Variants in ASPM observed in about 807,000 individuals in gnomAD.
ASPM encodes the protein abnormal spindle-like microcephaly-associated protein.
A neutral mutation model predicts 366.4 loss-of-function variants in ASPM; 256 were observed. The observed-to-expected ratio is 0.70, with a 90% CI of 0.63 to 0.77. ASPM has a LOEUF of 0.77. Among genes scored for constraint, ASPM ranks in the 30% least tolerant of loss-of-function variants. The pLI is 0.00. For synonymous variants in ASPM, 1,414 were observed against 1,342.9 expected (o/e 1.05, Z -1.16); for missense variants, 4,146 against 4,090.4 (o/e 1.01, Z -0.37).
chr1:197,113,841 A>C (rs1011589089), intron 17 of ASPM, among the ~76,000 whole-genome samples: 1 of 152,200 alleles, frequency 6.6e-6, no homozygotes, highest in African/African-American at 2.4e-5. Context: ...CAAAATGGAA[A>C]AGTTGTTCAA....
rs1480113250 is a variant in ASPM at position 197,103,793 on chromosome 1, G to A, written c.5458C>T (p.Leu1820=). ...GCAGCTATAGATTGTTGTTTGATTA[G>A]CTGGCGTACTTTATAACCTCTGTAA... ...AAYRGYKVRQ[L]IKQQSIAALK... The change falls in exon 18 of 28, where the codon CTA becomes TTA. Residue 1820 remains leucine (L), a synonymous_variant. Transcript: ENST00000367409. The A allele has an allele frequency of 6.2e-7, 1 of 1,612,924 alleles. No individual in the cohort carries two copies. The highest frequency in any genetic ancestry group is 8.5e-7 in the Non-Finnish European group (1 of 1,179,398).
chr1:197,088,915 T>C (rs967986319), intron 25 of ASPM, among the ~76,000 whole-genome samples: 7 of 152,052 alleles, frequency 4.6e-5, no homozygotes, highest in African/African-American at 1.4e-4. Flanking sequence ...CTAGTAAGTC[T>C]AGGATATATT....
chr1:197,102,176 G>GT lies in ASPM; in HGVS notation c.7074dup (p.Gln2359ThrfsTer14). 6.2e-7 allele frequency: 1 copy of GT among 1,612,790 alleles called. No individual in the cohort carries two copies. The highest frequency in any genetic ancestry group is 8.5e-7 in the Non-Finnish European group (1 of 1,179,274). On this transcript the variant is annotated frameshift_variant, in exon 18 of 28. Transcript: ENST00000367409. LOFTEE classifies it high-confidence loss of function. ...TGCTGTTGGATCACAACGGAGGCCT[G>GT]TTTCAAAGCCTGATATCTCATATGT...
chr1:197,091,090 T>A lies in ASPM; in HGVS notation c.9445-49A>T, dbSNP rs531484246. 877 of 1,365,510 alleles carry A rather than the reference T, an allele frequency of 6.4e-4. 16 individuals carry two copies. The South Asian group carries it at 9.0e-3, about 14-fold the overall frequency. The allele number at this position is 1,365,510 out of a possible 1,614,324, so 84.6% of individuals were successfully genotyped here. A position where few individuals can be genotyped will look rare whatever the true frequency, so the allele number is the denominator to read the frequency against. ...TTTTCATTTCTACTTCAGGTTTTTTTAAAAAAATATACAAATATACATTTA... is the reference window on the plus strand; with the variant it reads ...TTTTCATTTCTACTTCAGGTTTTTTAAAAAAAATATACAAATATACATTTA... On this transcript the variant is annotated intron_variant, in intron 22 of 27. Transcript: ENST00000367409.
Position 197,104,627 on chromosome 1 carries a change from T to A in ASPM, c.4624A>T (p.Ile1542Phe). Residue 1542 changes from isoleucine to phenylalanine, a missense_variant, in exon 18 of 28, where the codon ATT (isoleucine) becomes TTT (phenylalanine). By Grantham distance (21) the Ile-to-Phe change is conservative. This residue lies in a region of ASPM where 3,624 missense variants were observed against 3,591.7 expected (regional missense o/e 1.01). Transcript: ENST00000367409. ...CTCCTAAAAGCAGCTTGTAATTGAA[T>A]GGCTGCAGCTCGTTTCTGCAAATAG... ...TNYLQKRAAA[I>F]QLQAAFRRLK... is the part of the protein sequence containing the mutation. 1.9e-6 allele frequency: 3 copies of A among 1,613,074 alleles called. No homozygotes were observed. The South Asian group carries it at 3.3e-5, about 18-fold the overall frequency.
At chr1:197,090,429 A>G (rs758369882) in intron 23 of ASPM, 41 bp from the exon 24 acceptor site, 65 of 1,446,042 alleles carry the variant, frequency 4.5e-5, no homozygotes, top group Non-Finnish European at 5.9e-5. Flanking sequence ...ATTATAGCCA[A>G]TGTTTTCTAT....
In ASPM at chr1:197,101,085, A is replaced by C; in HGVS notation, c.8166T>G (p.Tyr2722Ter). ...KTAIVVIQNY[Y>*]RLYVRVKTER... ...CTGTTTTTACTCTAACATACAACCT[A>C]TAATAATTCTGTATAACCACAATTG... The change falls in exon 18 of 28, where the codon TAT (tyrosine) becomes TAG (stop). Residue 2722 changes from tyrosine (Y) to a stop codon, truncating the protein, a stop_gained. Coordinates refer to ENST00000367409, the MANE Select transcript of ASPM (RefSeq NM_018136.5). LOFTEE classifies it high-confidence loss of function. 1 of 1,611,864 alleles carries C rather than the reference A, an allele frequency of 6.2e-7. No individual in the cohort carries two copies. The highest frequency in any genetic ancestry group is 8.5e-7 in the Non-Finnish European group (1 of 1,178,828).
In ASPM at chr1:197,125,020, AAGTTTTACC is replaced by A. The variant is rs757610777; in HGVS notation, c.3082+17_3082+25del. On this transcript the variant is annotated intron_variant, in intron 11 of 27. Coordinates refer to ENST00000367409, the MANE Select transcript of ASPM (RefSeq NM_018136.5). ...CATATCAATATTCAGTGAGGAGAAT[AAGTTTTACC>A]TCTACTCAGTTTTTACCATGCTCAT... is the stretch of plus-strand genomic sequence containing the variant. 3.7e-6 allele frequency: 6 copies of A among 1,612,086 alleles called. No individual in the cohort carries two copies. In the South Asian group the frequency reaches 6.6e-5, roughly 18 times the overall value.
intron 17 of ASPM, among the ~76,000 whole-genome samples, chr1:197,107,999 C>T (rs1266900735): frequency 2.0e-5 from 3 of 151,924 alleles, no homozygotes; most frequent in Non-Finnish European, 4.4e-5. Context: ...CAACCTCTGA[C>T]CATGATAGAC....
At chr1:197,106,670 AT>A (rs1391257436) in intron 17 of ASPM, among the ~76,000 whole-genome samples, 2 of 152,048 alleles carry the variant, frequency 1.3e-5, no homozygotes, top group Non-Finnish European at 2.9e-5. Flanking sequence ...TACAATAGCA[AT>A]TTTTTCACCA....
At chr1:197,116,787 G>T (rs1335129724) in intron 17 of ASPM, among the ~76,000 whole-genome samples, 1 of 152,042 alleles carries the variant, frequency 6.6e-6, no homozygotes, top group Non-Finnish European at 1.5e-5. Context: ...CTCAAAAAAT[G>T]TAATAATATC....
rs1273468521 is a variant in ASPM, at chr1:197,101,173, G to A, written c.8078C>T (p.Thr2693Ile). The change falls in exon 18 of 28, where the codon ACA becomes ATA. Residue 2693 changes from threonine to isoleucine, a missense_variant. By Grantham distance (89) the Thr-to-Ile change is moderately conservative. Coordinates refer to ENST00000367409, the MANE Select transcript of ASPM (RefSeq NM_018136.5). Reference protein sequence around the residue: ...KDIQNMHRAATLIQSFYRMHR... With the variant: ...KDIQNMHRAAILIQSFYRMHR... Reference sequence around the variant, plus strand: ...CATTCGATAGAATGACTGAATTAGTGTGGCAGCCCGGTGCATATTTTGAAT... The same window carrying A: ...CATTCGATAGAATGACTGAATTAGTATGGCAGCCCGGTGCATATTTTGAAT... The A allele has an allele frequency of 1.2e-6, 2 of 1,612,412 alleles. No homozygotes were observed. Among genetic ancestry groups the A allele is most frequent in the South Asian group, 2.2e-5 (2 of 91,058 alleles).
At chr1:197,141,430 A>G (rs1223729140) in intron 3 of ASPM, among the ~76,000 whole-genome samples, 2 of 152,170 alleles carry the variant, frequency 1.3e-5, no homozygotes, top group Non-Finnish European at 2.9e-5. Context: ...CCTTGTTTTA[A>G]AGTAATCTCA....
At chr1:197,125,739 T>C (rs1222757437) in intron 10 of ASPM, among the ~76,000 whole-genome samples, 1 of 151,922 alleles carries the variant, frequency 6.6e-6, no homozygotes, top group Non-Finnish European at 1.5e-5. Flanking sequence ...GTAATTCCTA[T>C]ATATATATAA....
chr1:197,143,060 T>C lies in ASPM; in HGVS notation c.1192A>G (p.Lys398Glu), dbSNP rs797045309. Residue 398 changes from lysine (K) to glutamate (E), a missense_variant, in exon 3 of 28, where the codon AAA (lysine) becomes GAA (glutamate). Transcript: ENST00000367409. Reference sequence around the variant, plus strand: ...GTACACATATATGCCATGTTATCTTTTAAAAATTGATTAGGGGATAAAATA... The same window carrying C: ...GTACACATATATGCCATGTTATCTTCTAAAAATTGATTAGGGGATAAAATA... ...NPILSPNQFL[K>E]DNMAYMCTSQ... The C allele has an allele frequency of 6.2e-7, 1 of 1,613,198 alleles. No individual in the cohort carries two copies. Among genetic ancestry groups the C allele is most frequent in the Non-Finnish European group, 8.5e-7 (1 of 1,179,216 alleles).
Position 197,088,452 on chromosome 1 carries a change from A to G in ASPM, c.9985-20T>C. On this transcript the variant is annotated intron_variant, in intron 25 of 27. Transcript: ENST00000367409. ...CTCATACTTGAAGAGAACAGAATGA[A>G]ATTAAAAGTTGTAATAAACACATAC... 1 of 1,571,636 alleles carries G rather than the reference A, an allele frequency of 6.4e-7. No homozygotes were observed. Among genetic ancestry groups the G allele is most frequent in the South Asian group, 1.1e-5 (1 of 89,294 alleles).
At chr1:197,114,073 A>C (rs1460681760) in intron 17 of ASPM, among the ~76,000 whole-genome samples, 1 of 152,114 alleles carries the variant, frequency 6.6e-6, no homozygotes, top group Non-Finnish European at 1.5e-5. Context: ...TTGTAGGTTC[A>C]GTTCCAGACC....
Position 197,129,984 on chromosome 1 carries a change from G to T in ASPM, c.2560C>A (p.Arg854Ser). The T allele has an allele frequency of 6.2e-7, 1 of 1,613,930 alleles. No homozygotes were observed. Among genetic ancestry groups the T allele is most frequent in the Non-Finnish European group, 8.5e-7 (1 of 1,179,902 alleles). Residue 854 changes from arginine to serine, a missense_variant, in exon 8 of 28, where the codon CGC becomes AGC. By Grantham distance (110) the Arg-to-Ser change is moderately radical. Coordinates refer to ENST00000367409, the MANE Select transcript of ASPM (RefSeq NM_018136.5). The stretch of plus-strand genomic sequence containing the variant: ...GCTATATCAGGATTCCAAAGTAGGC[G>T]ATTCAGAATAAACATAGCCAACCCT... ...VTGLAMFILN[R>S]LLWNPDIAAE...
At chr1:197,115,670 T>C (rs1657717480) in intron 17 of ASPM, among the ~76,000 whole-genome samples, 1 of 152,200 alleles carries the variant, frequency 6.6e-6, no homozygotes, top group Non-Finnish European at 1.5e-5. Flanking sequence ...CCTCTCCTTG[T>C]CCATGTCCAT....
Sources: allele counts gnomAD v4.1 joint callset (sites outside exome capture counted in the v4.1 genomes callset), GRCh38; gene constraint gnomAD v4.1.1; regional missense constraint gnomAD v4.1.1; transcripts MANE v1.5; gene names NCBI Gene and HGNC (gene_info 2026-07-23, HGNC 2026-07-21).